Variants in PDE10A observed in about 807,000 individuals in gnomAD.
PDE10A encodes cAMP and cAMP-inhibited cGMP 3',5'-cyclic phosphodiesterase 10A.
In PDE10A, 39 loss-of-function variants were observed where a neutral mutation model predicts 97.7. The observed-to-expected ratio is 0.40, with a 90% confidence interval of 0.31 to 0.52. The LOEUF is 0.52. Among genes scored for constraint, PDE10A ranks in the 20% least tolerant of loss-of-function variants. The probability of loss-of-function intolerance (pLI) is 0.56; values close to 1 mark genes in which losing one functional copy is unlikely to be tolerated. For missense variants in PDE10A, 731 were observed against 1,047.8 expected (o/e 0.70, Z 4.17); for synonymous variants, 371 against 376.8 (o/e 0.98, Z 0.18).
chr6:165,526,460 A>G (rs1197809259), intron 2 of PDE10A, among the ~76,000 whole-genome samples: 1 of 152,180 alleles, frequency 6.6e-6, no homozygotes, highest in East Asian at 1.9e-4. Context: ...GAAAGGTCCA[A>G]TGGAAGCCAT....
At chr6:165,584,514 C>A (rs1286060702) in intron 1 of PDE10A, among the ~76,000 whole-genome samples, 1 of 152,202 alleles carries the variant, frequency 6.6e-6, no homozygotes, top group Non-Finnish European at 1.5e-5. Flanking sequence ...TCACCAGTGC[C>A]ATTCTGCAGA....
chr6:165,961,673 C>T lies in PDE10A; in HGVS notation c.-615+25856G>A, dbSNP rs546727394. Among the ~76,000 whole-genome samples the T allele has an allele frequency of 1.1e-3, 174 of 152,350 alleles. No homozygotes were observed. The South Asian group carries it at 0.019, about 17-fold the overall frequency. On this transcript the variant is annotated intron_variant, in intron 1 of 19. Coordinates refer to the PDE10A transcript ENST00000366882. ...AACTCATGGCCCCTCCAAACTTCTG[C>T]CTCTGACTTGATGGAAGTTTCCCAG...
intron 1 of PDE10A, among the ~76,000 whole-genome samples, chr6:165,930,944 C>G (rs1277299440): frequency 3.3e-5 from 5 of 152,204 alleles, no homozygotes; most frequent in African/African-American, 1.2e-4. Context: ...ACTGAGGGAA[C>G]CGCAAGGAGA....
chr6:165,730,750 C>CACA (rs1792412687), intron 1 of PDE10A, among the ~76,000 whole-genome samples: 1 of 122,116 alleles, frequency 8.2e-6, no homozygotes, highest in African/African-American at 3.3e-5. Flanking sequence ...GAGATTCCAC[C>CACA]AAAAAAAAAA....
At chr6:165,756,690 G>A (rs564135948) in intron 1 of PDE10A, among the ~76,000 whole-genome samples, 16 of 152,198 alleles carry the variant, frequency 1.1e-4, no homozygotes, top group Admixed American at 3.3e-4. Flanking sequence ...GTGCACATGC[G>A]GCAGGTTGTT....
At chr6:165,858,857 T>C (rs577806234) in intron 1 of PDE10A, among the ~76,000 whole-genome samples, 1 of 152,306 alleles carries the variant, frequency 6.6e-6, no homozygotes, top group African/African-American at 2.4e-5. Context: ...AAATGGAAAA[T>C]TCCAGGTCTC....
At chr6:165,954,172 C>T (rs1373705842) in intron 1 of PDE10A, among the ~76,000 whole-genome samples, 1 of 152,174 alleles carries the variant, frequency 6.6e-6, no homozygotes, top group African/African-American at 2.4e-5. Context: ...ATCCTGGTTG[C>T]TTTCAGTTTG....
intron 13 of PDE10A, 147 bp from the exon 14 acceptor site, chr6:165,396,606 C>CATCCCAGTGCATA: frequency 4.2e-6 from 3 of 710,434 alleles, no homozygotes; most frequent in Non-Finnish European, 6.7e-6. Context: ...TCCATATGCA[C>CATCCCAGTGCATA]TGGGATGTGC....
chr6:165,586,931 A>G (rs1184751837), intron 1 of PDE10A, among the ~76,000 whole-genome samples: 3 of 152,130 alleles, frequency 2.0e-5, no homozygotes, highest in African/African-American at 7.2e-5. Flanking sequence ...ACTTTGTCTT[A>G]AAATCTGAGG....
At chr6:165,684,533 A>ATT (rs1236554898) in intron 1 of PDE10A, among the ~76,000 whole-genome samples, 1 of 152,178 alleles carries the variant, frequency 6.6e-6, no homozygotes, top group Non-Finnish European at 1.5e-5. Flanking sequence ...TTGCATTGGC[A>ATT]TTTCATTGGA....
intron 1 of PDE10A, among the ~76,000 whole-genome samples, chr6:165,704,800 C>G (rs1018637699): frequency 1.5e-4 from 23 of 152,226 alleles, no homozygotes; most frequent in African/African-American, 5.3e-4. Flanking sequence ...TTCCCTGTTT[C>G]AGACTTGATC....
Position 165,661,532 on chromosome 6 carries a change from A to T in PDE10A, c.865+415T>A, listed in dbSNP as rs1476741121. On this transcript the variant is annotated intron_variant, in intron 1 of 21. Coordinates refer to ENST00000539869, the MANE Select transcript of PDE10A (RefSeq NM_001385079.1). The surrounding 1 kb of genome is among the most constrained non-coding windows in gnomAD (Gnocchi z 4.8). ...TGGGCTGGACCCCCAAGTGGAAGGA[A>T]GCGCATCTGCTCCAGCCAAGTGGCC... The T allele has an allele frequency of 1.3e-5, 2 of 159,052 alleles. No homozygotes were observed. The highest frequency in any genetic ancestry group is 4.0e-4 in the South Asian group (2 of 5,030). 9.9% of individuals were successfully genotyped at this position (159,052 alleles called of 1,614,324 possible). A position where few individuals can be genotyped will look rare whatever the true frequency, so the allele number is the denominator to read the frequency against.
chr6:165,530,527 C>T (rs887022716), intron 2 of PDE10A, among the ~76,000 whole-genome samples: 1 of 152,090 alleles, frequency 6.6e-6, no homozygotes, highest in Admixed American at 6.5e-5. Context: ...CTACTGAGTA[C>T]TATGCTCACT....
chr6:165,899,503 C>T (rs1209619997), intron 1 of PDE10A, among the ~76,000 whole-genome samples: 2 of 152,208 alleles, frequency 1.3e-5, no homozygotes, highest in Admixed American at 1.3e-4. Flanking sequence ...ATCTACCTTC[C>T]TTGGCTTCCA....
At chr6:165,805,728 A>G (rs547444685) in intron 1 of PDE10A, among the ~76,000 whole-genome samples, 1 of 152,158 alleles carries the variant, frequency 6.6e-6, no homozygotes, top group East Asian at 1.9e-4. Context: ...TAGTTCATCA[A>G]GATGAACTCT....
intron 3 of PDE10A, among the ~76,000 whole-genome samples, chr6:165,453,113 T>C (rs536822315): frequency 4.3e-4 from 65 of 152,246 alleles, no homozygotes; most frequent in Non-Finnish European, 2.8e-4. Flanking sequence ...CAGGGCTATA[T>C]AGAAAGCAGA....
intron 1 of PDE10A, among the ~76,000 whole-genome samples, chr6:165,801,657 A>C (rs1031167822): frequency 6.6e-6 from 1 of 152,238 alleles, no homozygotes; most frequent in Non-Finnish European, 1.5e-5. Context: ...ACCACATTTA[A>C]ACCCTTTTCA....
chr6:165,770,163 C>CAAAAAAAAA (rs11442419), intron 1 of PDE10A, among the ~76,000 whole-genome samples: 1 of 127,902 alleles, frequency 7.8e-6, no homozygotes, highest in Non-Finnish European at 1.7e-5. Flanking sequence ...TGCAAAAGGG[C>CAAAAAAAAA]AAAAAAAAAA....
intron 10 of PDE10A, among the ~76,000 whole-genome samples, chr6:165,423,843 T>C (rs1267824162): frequency 7.3e-6 from 1 of 137,290 alleles, no homozygotes; most frequent in East Asian, 2.2e-4. Flanking sequence ...AGCGAGACTA[T>C]GTCTCAGGAA....
Sources: allele counts gnomAD v4.1 joint callset (sites outside exome capture counted in the v4.1 genomes callset), GRCh38; gene constraint gnomAD v4.1.1; non-coding constraint Gnocchi (gnomAD v3.1); transcripts MANE v1.5; gene names NCBI Gene and HGNC (gene_info 2026-07-23, HGNC 2026-07-21).